The following ZNF701 variants were observed in gnomAD, a reference collection of about 807,000 sequenced individuals.
ZNF701 encodes the protein zinc finger protein 701.
ZNF701 carries 6 observed loss-of-function variants against 7.1 expected under a neutral mutation model. The observed-to-expected ratio is 0.84, with a 90% CI of 0.46 to 1.66. The LOEUF (loss-of-function observed/expected upper bound fraction) is 1.66. Ranked by LOEUF, ZNF701 falls within the 40% of genes most tolerant of loss-of-function variation. ZNF701 has a pLI of 0.01. For missense variants in ZNF701, 541 were observed against 559.2 expected (o/e 0.97, Z 0.33); for synonymous variants, 166 against 188.2 (o/e 0.88, Z 0.97).
At chr19:52,595,638 T>C in the ZNF701 span, 1 of 1,188,930 alleles carries the variant, frequency 8.4e-7, no homozygotes, top group South Asian at 1.5e-5. Flanking sequence ...AAATCCATGA[T>C]GGAGTTCTCA....
chr19:52,578,647 C>T (rs2059953638), intron 3 of ZNF701, among the ~76,000 whole-genome samples: 1 of 152,252 alleles, frequency 6.6e-6, no homozygotes, highest in African/African-American at 2.4e-5. Flanking sequence ...CGTGAGCCGC[C>T]AAGCTCAACT....
At chr19:52,590,989 A>G (rs139187907), downstream of ZNF701, among the ~76,000 whole-genome samples, 885 of 152,038 alleles carry the variant, frequency 5.8e-3, 10 homozygotes, top group African/African-American at 0.021. Flanking sequence ...ACAGGCACGC[A>G]CCACCATGCC....
Position 52,582,977 on chromosome 19 carries a change from T to G in ZNF701, c.918T>G (p.Val306=). ...ACAAGTGTAATGAATGTGGCAAGGT[T>G]TTTAATCAACAATCAAACCTTGCAC... ...KPYKCNECGK[V]FNQQSNLARH... The change falls in exon 4 of 4, where the codon GTT becomes GTG. Residue 306 remains valine, a synonymous_variant. Coordinates refer to ENST00000391785, the MANE Select transcript of ZNF701 (RefSeq NM_018260.3). 2 of 1,613,882 alleles carry G rather than the reference T, an allele frequency of 1.2e-6. No individual in the cohort carries two copies. The highest frequency in any genetic ancestry group is 1.7e-6 in the Non-Finnish European group (2 of 1,179,960).
At chr19:52,596,169 A>C in the ZNF701 span, 1 of 680,638 alleles carries the variant, frequency 1.5e-6, no homozygotes, top group Admixed American at 2.3e-5. Context: ...TTAAGGAGAC[A>C]TCACGTAACC....
intron 1 of ZNF701, among the ~76,000 whole-genome samples, chr19:52,571,372 G>A (rs1227925193): frequency 6.6e-6 from 1 of 152,016 alleles, no homozygotes; most frequent in Non-Finnish European, 1.5e-5. Context: ...TGGGGACGGG[G>A]GGTAAAACAG....
chr19:52,596,515 A>G, the ZNF701 span: 1 of 416,990 alleles, frequency 2.4e-6, no homozygotes, highest in Non-Finnish European at 4.8e-6. Flanking sequence ...GTAAGAGTTC[A>G]TACTGGAGAG....
At chr19:52,592,171 C>T (rs2060039440), downstream of ZNF701, 1 of 1,549,650 alleles carries the variant, frequency 6.5e-7, no homozygotes, top group Non-Finnish European at 8.9e-7. Flanking sequence ...GAACCCTGCA[C>T]AGAGGGCTTT....
At chr19:52,596,481 G>C in the ZNF701 span, 1 of 441,202 alleles carries the variant, frequency 2.3e-6, no homozygotes, top group Admixed American at 2.8e-5. Flanking sequence ...AAGGCTTTCT[G>C]GGATAATTCA....
the ZNF701 span, chr19:52,596,085 T>C: frequency 8.7e-7 from 1 of 1,144,158 alleles, no homozygotes; most frequent in Non-Finnish European, 1.3e-6. Context: ...TTCACACAAA[T>C]ACAAGAAGTA....
chr19:52,578,282 GT>G (rs1487624808), intron 3 of ZNF701, among the ~76,000 whole-genome samples: 47 of 140,618 alleles, frequency 3.3e-4, no homozygotes, highest in African/African-American at 1.2e-3. Flanking sequence ...AAAAAAAGAA[GT>G]GTATAGAAGA....
Position 52,583,695 on chromosome 19 carries a change from A to C in ZNF701, c.*238A>C. 1 of 865,992 alleles carries C rather than the reference A, an allele frequency of 1.2e-6. No homozygotes were observed. The allele number at this position is 865,992 out of a possible 1,614,324, so 53.6% of individuals were successfully genotyped here. ...CCAACATACTGGAATTCACACTGGA[A>C]AGGAACTGTACAAGTGTAATGAGTG... On this transcript the variant is annotated 3_prime_UTR_variant, in exon 4 of 4. Transcript: ENST00000391785.
the ZNF701 span, chr19:52,596,746 A>G: frequency 1.9e-6 from 1 of 516,504 alleles, no homozygotes; most frequent in Admixed American, 2.1e-5. Flanking sequence ...CAGCCCTTGT[A>G]ATGCATAAGG....
At chr19:52,591,999 C>T (rs7259617), downstream of ZNF701, 35,270 of 558,590 alleles carry the variant, frequency 0.063, 1,373 homozygotes, top group African/African-American at 0.13. Flanking sequence ...GTCAGAACAC[C>T]GTCTTGGATC....
chr19:52,595,162 A>T, the ZNF701 span, among the ~76,000 whole-genome samples: 1 of 152,056 alleles, frequency 6.6e-6, no homozygotes, highest in Non-Finnish European at 1.5e-5. Context: ...TTGTATTTTT[A>T]GTAGAGATAA....
intron 1 of ZNF701, among the ~76,000 whole-genome samples, chr19:52,571,908 C>T (rs748343700): frequency 6.6e-6 from 1 of 152,064 alleles, no homozygotes; most frequent in Non-Finnish European, 1.5e-5. Flanking sequence ...ACTGCAACCT[C>T]CACCTCCCGA....
the ZNF701 span, chr19:52,595,847 T>C: frequency 0.43 from 689,780 of 1,612,008 alleles, 148,674 homozygotes; most frequent in Middle Eastern, 0.51. Flanking sequence ...TAGTACAGAC[T>C]GACGTGATCA....
At chr19:52,591,211 T>C (rs1334824258), downstream of ZNF701, among the ~76,000 whole-genome samples, 1 of 152,162 alleles carries the variant, frequency 6.6e-6, no homozygotes, top group Non-Finnish European at 1.5e-5. Flanking sequence ...AGAGTCTCAC[T>C]CTGTTGCCCA....
chr19:52,593,457 G>A, the ZNF701 span, among the ~76,000 whole-genome samples: 2 of 113,636 alleles, frequency 1.8e-5, 1 homozygote, highest in Non-Finnish European at 3.8e-5. Flanking sequence ...CGGGCAGAGG[G>A]GCTCCTCACT....
chr19:52,574,347 C>T (rs1290247271), intron 2 of ZNF701, among the ~76,000 whole-genome samples, 185 bp downstream of exon 2: 1 of 151,992 alleles, frequency 6.6e-6, no homozygotes, highest in Non-Finnish European at 1.5e-5. Flanking sequence ...GTGACATGAA[C>T]TTGGGAAGAG....
Sources: gnomAD v4.1 joint callset for allele counts (sites outside exome capture counted in the v4.1 genomes callset) on GRCh38, gnomAD v4.1.1 for gene constraint, MANE v1.5 for transcripts, NCBI Gene and HGNC (gene_info 2026-07-23, HGNC 2026-07-21) for gene names.